Variants in G3BP2 observed in about 807,000 individuals in gnomAD.
G3BP2 encodes the protein G3BP stress granule assembly factor 2, also known as ras GTPase-activating protein-binding protein 2.
A neutral mutation model predicts 56.7 loss-of-function variants in G3BP2; 11 were observed. The observed-to-expected ratio is 0.19, with a 90% CI of 0.12 to 0.32. The LOEUF is 0.32. Among genes scored for constraint, G3BP2 ranks in the 10% least tolerant of loss-of-function variants. The probability of loss-of-function intolerance (pLI) is 1.00; values close to 1 mark genes in which losing one functional copy is unlikely to be tolerated. For synonymous variants in G3BP2, 165 were observed against 191.6 expected (o/e 0.86, Z 1.15); for missense variants, 340 against 610.9 (o/e 0.56, Z 4.67).
At chr4:75,682,752 C>A (rs544445233) in intron 3 of G3BP2, among the ~76,000 whole-genome samples, 1 of 151,964 alleles carries the variant, frequency 6.6e-6, no homozygotes, top group Non-Finnish European at 1.5e-5. Flanking sequence ...GAGGCCAAGG[C>A]GGGCAGATCA....
intron 1 of G3BP2, 172 bp from the exon 2 acceptor site, chr4:75,662,221 A>AT (rs33965828): frequency 0.1 from 29,673 of 286,738 alleles, 1,705 homozygotes; most frequent in African/African-American, 0.24. Context: ...ACCTGAAATA[A>AT]TTTTTTTTTT....
chr4:75,698,502 G>T (rs534423517), intron 3 of G3BP2, among the ~76,000 whole-genome samples: 6 of 152,106 alleles, frequency 3.9e-5, no homozygotes, highest in Non-Finnish European at 7.4e-5. Flanking sequence ...CTGACTTCCA[G>T]TGGGCTGGAA....
intron 1 of G3BP2, among the ~76,000 whole-genome samples, chr4:75,672,342 A>C (rs961737881): frequency 4.6e-5 from 7 of 152,228 alleles, no homozygotes; most frequent in African/African-American, 1.4e-4. Context: ...GACGCAGGAA[A>C]AATTCTATCA....
chr4:75,659,694 A>C (rs1256185458), intron 2 of G3BP2, among the ~76,000 whole-genome samples: 1 of 152,160 alleles, frequency 6.6e-6, no homozygotes, highest in Non-Finnish European at 1.5e-5. Context: ...TTTCTTAACA[A>C]TCTCATGAAG....
intron 3 of G3BP2, among the ~76,000 whole-genome samples, chr4:75,689,165 C>G (rs1278595173): frequency 1.3e-5 from 2 of 152,122 alleles, no homozygotes; most frequent in African/African-American, 4.8e-5. Flanking sequence ...TCACTTGAGA[C>G]CAGGAGTTCG....
intron 3 of G3BP2, among the ~76,000 whole-genome samples, chr4:75,707,104 G>A (rs1360584358): frequency 6.7e-6 from 1 of 149,930 alleles, no homozygotes; most frequent in Admixed American, 6.7e-5. Flanking sequence ...GGGCAGGGAG[G>A]TGGAAGTTGC....
chr4:75,663,763 G>C (rs1732758359), intron 1 of G3BP2, among the ~76,000 whole-genome samples: 1 of 129,332 alleles, frequency 7.7e-6, no homozygotes, highest in Non-Finnish European at 1.7e-5. Context: ...CGGAGGCTGA[G>C]GCAGAGAATT....
intron 1 of G3BP2, among the ~76,000 whole-genome samples, chr4:75,670,679 AATAG>A (rs1045904545): frequency 9.8e-5 from 15 of 152,358 alleles, no homozygotes; most frequent in East Asian, 3.9e-4. Flanking sequence ...TTGTCTTTAA[AATAG>A]ATAGGGCATT....
chr4:75,646,924 TAAAG>T, intron 10 of G3BP2, 101 bp downstream of exon 10: 1 of 684,744 alleles, frequency 1.5e-6, no homozygotes, highest in South Asian at 2.1e-5. Context: ...GGACACAGTA[TAAAG>T]AGAGAAACAT....
At chr4:75,657,342 C>G (rs1473856892) in intron 4 of G3BP2, among the ~76,000 whole-genome samples, 1 of 152,262 alleles carries the variant, frequency 6.6e-6, no homozygotes, top group East Asian at 1.9e-4. Context: ...TTAATGTAAT[C>G]TTAATCATCT....
chr4:75,705,195 G>T (rs553657310), intron 3 of G3BP2, among the ~76,000 whole-genome samples: 2 of 152,306 alleles, frequency 1.3e-5, no homozygotes, highest in East Asian at 3.9e-4. Flanking sequence ...CCCAGTGGAG[G>T]GCTCAGGTCC....
chr4:75,719,884 C>T (rs543414226), intron 3 of G3BP2, among the ~76,000 whole-genome samples: 5 of 152,078 alleles, frequency 3.3e-5, no homozygotes, highest in African/African-American at 9.6e-5. Context: ...TTACCGTGCC[C>T]GGCCTGGTCT....
chr4:75,659,826 T>C (rs1198135377), intron 2 of G3BP2, among the ~76,000 whole-genome samples: 1 of 152,214 alleles, frequency 6.6e-6, no homozygotes, highest in Non-Finnish European at 1.5e-5. Flanking sequence ...TGAGAGTCCA[T>C]GCTTTTAACC....
upstream of G3BP2, among the ~76,000 whole-genome samples, chr4:75,677,873 G>T (rs1194944651): frequency 6.6e-6 from 1 of 152,200 alleles, no homozygotes; most frequent in Non-Finnish European, 1.5e-5. Flanking sequence ...AGTATTAAAA[G>T]GTGGGTGGGA....
chr4:75,656,819 T>C (rs978833954), intron 5 of G3BP2, 105 bp downstream of exon 5: 1 of 680,844 alleles, frequency 1.5e-6, no homozygotes, highest in African/African-American at 1.9e-5. Context: ...TTTGACACAG[T>C]TACAATAAAG....
intron 1 of G3BP2, among the ~76,000 whole-genome samples, chr4:75,667,889 C>CA (rs951854977): frequency 6.6e-6 from 1 of 152,038 alleles, no homozygotes; most frequent in Non-Finnish European, 1.5e-5. Context: ...AACTCTGTCT[C>CA]AAAAAACAAA....
At chr4:75,714,082 C>T (rs1168220057) in intron 3 of G3BP2, among the ~76,000 whole-genome samples, 1 of 152,120 alleles carries the variant, frequency 6.6e-6, no homozygotes, top group African/African-American at 2.4e-5. Context: ...GAATTGGATC[C>T]TAGACCAAAA....
At chr4:75,677,811 G>A (rs551562210), upstream of G3BP2, among the ~76,000 whole-genome samples, 3 of 152,324 alleles carry the variant, frequency 2.0e-5, no homozygotes, top group African/African-American at 7.2e-5. Flanking sequence ...GCTGTGGATT[G>A]AATGTATGTG....
chr4:75,678,895 C>T (rs954922564), intron 3 of G3BP2, among the ~76,000 whole-genome samples: 18 of 152,150 alleles, frequency 1.2e-4, no homozygotes, highest in African/African-American at 3.9e-4. Context: ...CAATAAACAT[C>T]GGCACTTAAT....
Sources: gnomAD v4.1 joint callset for allele counts (sites outside exome capture counted in the v4.1 genomes callset) on GRCh38, gnomAD v4.1.1 for gene constraint, MANE v1.5 for transcripts, NCBI Gene and HGNC (gene_info 2026-07-23, HGNC 2026-07-21) for gene names.